Variants in KAT2B observed in about 807,000 individuals in gnomAD.
KAT2B encodes histone acetyltransferase KAT2B.
KAT2B carries 36 observed loss-of-function variants against 105.9 expected under a neutral mutation model. The observed-to-expected ratio is 0.34, with a 90% CI of 0.26 to 0.45. KAT2B has a LOEUF of 0.45. Among genes scored for constraint, KAT2B ranks in the 20% least tolerant of loss-of-function variants. The probability of loss-of-function intolerance (pLI) is 1.00; values close to 1 mark genes in which losing one functional copy is unlikely to be tolerated. For synonymous variants in KAT2B, 397 were observed against 377.9 expected, an observed-to-expected ratio of 1.05 and a Z score of -0.59; for missense variants, 820 against 1,021.6, an observed-to-expected ratio of 0.80 and a Z score of 2.69.
chr3:20,140,844 C>G (rs1699684267), intron 13 of KAT2B, among the ~76,000 whole-genome samples: 1 of 151,928 alleles, frequency 6.6e-6, no homozygotes, highest in Non-Finnish European at 1.5e-5. Flanking sequence ...GTTACCATTT[C>G]TACAAGAGTC....
At chr3:20,148,537 G>T in intron 17 of KAT2B, 50 bp downstream of exon 17, 1 of 1,306,232 alleles carries the variant, frequency 7.7e-7, no homozygotes, top group Non-Finnish European at 1.1e-6. Context: ...CTGGATGGCG[G>T]TGTGGGGGAC....
intron 1 of KAT2B, among the ~76,000 whole-genome samples, chr3:20,048,663 C>T (rs1697858075): frequency 6.6e-6 from 1 of 152,092 alleles, no homozygotes; most frequent in Non-Finnish European, 1.5e-5. Flanking sequence ...GGCTCAGTGG[C>T]TTCTGATTTA....
Position 20,152,432 on chromosome 3 carries a change from C to T in KAT2B, c.2406C>T (p.Tyr802=). The T allele has an allele frequency of 1.2e-6, 2 of 1,613,140 alleles. No homozygotes were observed. Among genetic ancestry groups the T allele is most frequent in the Non-Finnish European group, 1.7e-6 (2 of 1,179,266 alleles). ...GAGTCTTTACCAATTGCAAAGAGTACAACCCCCCTGAGAGTGAATACTACA... is the reference window on the plus strand; with the variant it reads ...GAGTCTTTACCAATTGCAAAGAGTATAACCCCCCTGAGAGTGAATACTACA... ...LQRVFTNCKE[Y]NPPESEYYKC... Residue 802 remains tyrosine (Y), a synonymous_variant, in exon 18 of 18, where the codon TAC becomes TAT. Transcript: ENST00000263754.
intron 3 of KAT2B, among the ~76,000 whole-genome samples, chr3:20,098,377 T>C (rs1698849798): frequency 6.6e-6 from 1 of 152,208 alleles, no homozygotes; most frequent in Non-Finnish European, 1.5e-5. Flanking sequence ...TATCACTTAC[T>C]AAATGTGACT....
intron 1 of KAT2B, among the ~76,000 whole-genome samples, chr3:20,062,123 T>TATA (rs1698128158): frequency 3.6e-5 from 3 of 82,956 alleles, no homozygotes; most frequent in Non-Finnish European, 5.9e-5. Flanking sequence ...ATATAAAACA[T>TATA]ATATATATAA....
At chr3:20,066,746 A>G (rs1698229529) in intron 1 of KAT2B, among the ~76,000 whole-genome samples, 1 of 151,628 alleles carries the variant, frequency 6.6e-6, no homozygotes, top group African/African-American at 2.4e-5. Flanking sequence ...ACTGCACCGC[A>G]TTAAAAAAAA....
At chr3:20,108,698 C>T (rs1313474647) in intron 5 of KAT2B, among the ~76,000 whole-genome samples, 1 of 152,168 alleles carries the variant, frequency 6.6e-6, no homozygotes, top group Non-Finnish European at 1.5e-5. Flanking sequence ...CCATGGTCCA[C>T]CATAGGTCCG....
At chr3:20,053,570 A>C (rs1384995455) in intron 1 of KAT2B, among the ~76,000 whole-genome samples, 1 of 152,186 alleles carries the variant, frequency 6.6e-6, no homozygotes, top group East Asian at 1.9e-4. Context: ...TCAGGAAGGT[A>C]TATGAGTGTT....
At chr3:20,109,772 C>T (rs1311013863) in intron 5 of KAT2B, among the ~76,000 whole-genome samples, 3 of 152,096 alleles carry the variant, frequency 2.0e-5, no homozygotes, top group Non-Finnish European at 1.5e-5. Flanking sequence ...ATCACTGTTT[C>T]AGACAAAAGA....
At chr3:20,100,296 ACTGT>A in intron 4 of KAT2B, among the ~76,000 whole-genome samples, 1 of 152,318 alleles carries the variant, frequency 6.6e-6, no homozygotes, top group Admixed American at 6.5e-5. Flanking sequence ...TTTGCTTGGC[ACTGT>A]CTGAGAAAGC....
intron 2 of KAT2B, among the ~76,000 whole-genome samples, chr3:20,087,697 T>C (rs189690712): frequency 6.6e-6 from 1 of 152,320 alleles, no homozygotes; most frequent in East Asian, 1.9e-4. Context: ...ATCATTTTAC[T>C]TTCTGCTTCT....
intron 2 of KAT2B, among the ~76,000 whole-genome samples, chr3:20,089,028 C>T (rs1249240354): frequency 1.8e-4 from 28 of 152,126 alleles, no homozygotes; most frequent in Admixed American, 1.8e-3. Context: ...TGTTGAAAAT[C>T]AGTTGACTGT....
intron 9 of KAT2B, among the ~76,000 whole-genome samples, chr3:20,125,186 C>T (rs1001746275): frequency 1.3e-5 from 2 of 151,344 alleles, no homozygotes; most frequent in Non-Finnish European, 2.9e-5. Flanking sequence ...AGCTGGGCGC[C>T]GTGGCAGGCT....
intron 1 of KAT2B, among the ~76,000 whole-genome samples, chr3:20,071,484 A>G (rs993912182): frequency 6.6e-6 from 1 of 152,228 alleles, no homozygotes; most frequent in Non-Finnish European, 1.5e-5. Context: ...AGCACAAATG[A>G]AAGGTATGAA....
chr3:20,151,442 GGT>G (rs1491448583), intron 17 of KAT2B, among the ~76,000 whole-genome samples: 23 of 150,824 alleles, frequency 1.5e-4, no homozygotes, highest in Middle Eastern at 3.2e-3. Context: ...TCAGAAGTGG[GGT>G]TTTTTTTTTC....
intron 9 of KAT2B, among the ~76,000 whole-genome samples, chr3:20,125,384 A>C (rs550750396): frequency 1.3e-5 from 2 of 152,168 alleles, no homozygotes; most frequent in South Asian, 4.1e-4. Context: ...CTGTCATCTC[A>C]AGGGTCCTTA....
intron 2 of KAT2B, among the ~76,000 whole-genome samples, chr3:20,087,321 G>C (rs1323243422): frequency 4.0e-5 from 6 of 151,892 alleles, no homozygotes; most frequent in African/African-American, 1.2e-4. Flanking sequence ...TCATAAATAT[G>C]TACAATTATA....
intron 1 of KAT2B, among the ~76,000 whole-genome samples, chr3:20,069,290 T>C (rs1015021181): frequency 3.9e-5 from 6 of 151,940 alleles, no homozygotes; most frequent in African/African-American, 1.2e-4. Flanking sequence ...GGACAGCAGA[T>C]TGTGGGAAGG....
chr3:20,125,823 G>A (rs1699392521), intron 9 of KAT2B, 82 bp from the exon 10 acceptor site: 1 of 1,128,068 alleles, frequency 8.9e-7, no homozygotes, highest in Non-Finnish European at 1.3e-6. Context: ...TTAGAACAAA[G>A]ATGAGAAGCT....
Sources: allele counts gnomAD v4.1 joint callset (sites outside exome capture counted in the v4.1 genomes callset), GRCh38; gene constraint gnomAD v4.1.1; transcripts MANE v1.5; gene names NCBI Gene and HGNC (gene_info 2026-07-23, HGNC 2026-07-21).